The following CLVS1 variants were observed in gnomAD, a reference collection of about 807,000 sequenced individuals.
CLVS1 encodes clavesin-1.
In CLVS1, 10 loss-of-function variants were observed where a neutral mutation model predicts 33.1. The observed-to-expected ratio is 0.30, with a 90% CI of 0.19 to 0.51. CLVS1 has a LOEUF of 0.51. Ranked by LOEUF, CLVS1 falls within the 20% of genes least tolerant of loss-of-function variation. The probability of loss-of-function intolerance (pLI) is 0.97; values close to 1 mark genes in which losing one functional copy is unlikely to be tolerated. For synonymous variants in CLVS1, 163 were observed against 166.1 expected, an observed-to-expected ratio of 0.98 and a Z score of 0.14; for missense variants, 343 against 433.4, an observed-to-expected ratio of 0.79 and a Z score of 1.85.
chr8:61,484,016 C>G (rs974043459), intron 5 of CLVS1, among the ~76,000 whole-genome samples: 3 of 152,192 alleles, frequency 2.0e-5, no homozygotes, highest in Non-Finnish European at 4.4e-5. Flanking sequence ...GGAAGCATTC[C>G]CTTTGAAAAC....
At chr8:61,457,298 A>C (rs536039034) in intron 4 of CLVS1, among the ~76,000 whole-genome samples, 1 of 152,232 alleles carries the variant, frequency 6.6e-6, no homozygotes, top group African/African-American at 2.4e-5. Flanking sequence ...TGTATACCTG[A>C]TGATCCTATA....
At chr8:61,389,033 C>A (rs367869273) in intron 3 of CLVS1, among the ~76,000 whole-genome samples, 13 of 152,188 alleles carry the variant, frequency 8.5e-5, no homozygotes, top group Non-Finnish European at 1.5e-4. Flanking sequence ...TGAGAACATG[C>A]GGTGTTTTAT....
intron 2 of CLVS1, among the ~76,000 whole-genome samples, chr8:61,228,333 T>C (rs1362071932): frequency 6.6e-6 from 1 of 152,206 alleles, no homozygotes; most frequent in Non-Finnish European, 1.5e-5. Context: ...ACACTTAAAA[T>C]CTGCTCTCTT....
At chr8:61,104,834 T>G (rs1324883707) in intron 1 of CLVS1, among the ~76,000 whole-genome samples, 1 of 152,148 alleles carries the variant, frequency 6.6e-6, no homozygotes, top group Non-Finnish European at 1.5e-5. Flanking sequence ...TTTACTTTAT[T>G]TTTTTATTTA....
chr8:61,300,503 T>A (rs1810387666), intron 2 of CLVS1: 1 of 452,410 alleles, frequency 2.2e-6, no homozygotes, highest in Admixed American at 3.9e-5. Flanking sequence ...TAGAAGTCAT[T>A]ATTCTTTTCA....
At chr8:61,337,199 G>A (rs901465464) in intron 2 of CLVS1, among the ~76,000 whole-genome samples, 34 of 152,268 alleles carry the variant, frequency 2.2e-4, no homozygotes, top group African/African-American at 7.9e-4. Flanking sequence ...TTTAAGGGCA[G>A]GTTCGGCCCT....
intron 1 of CLVS1, among the ~76,000 whole-genome samples, chr8:61,118,815 G>A (rs1459419652): frequency 2.0e-5 from 3 of 152,212 alleles, no homozygotes; most frequent in Non-Finnish European, 2.9e-5. Flanking sequence ...TTTGGAAGAG[G>A]TGTGGTGTGG....
chr8:61,179,015 A>G (rs1414331453), intron 2 of CLVS1, among the ~76,000 whole-genome samples: 1 of 152,224 alleles, frequency 6.6e-6, no homozygotes, highest in African/African-American at 2.4e-5. Flanking sequence ...TTAAATGTAA[A>G]TAGGCTAAAT....
At chr8:61,489,774 G>A (rs1230789632) in intron 5 of CLVS1, among the ~76,000 whole-genome samples, 3 of 152,126 alleles carry the variant, frequency 2.0e-5, no homozygotes, top group South Asian at 2.1e-4. Flanking sequence ...GACTGATTTC[G>A]ATATGTCAAA....
At chr8:61,376,324 T>C (rs1001286628) in intron 2 of CLVS1, among the ~76,000 whole-genome samples, 1 of 152,146 alleles carries the variant, frequency 6.6e-6, no homozygotes. Flanking sequence ...ATTGGGGCTG[T>C]GGAGGAAGCA....
At chr8:61,322,113 C>A (rs989526047) in intron 2 of CLVS1, among the ~76,000 whole-genome samples, 2 of 152,116 alleles carry the variant, frequency 1.3e-5, no homozygotes, top group Admixed American at 1.3e-4. Context: ...CTGATATAAC[C>A]AAGTACCCTA....
intron 1 of CLVS1, among the ~76,000 whole-genome samples, chr8:61,067,979 AC>A (rs1251693777): frequency 7.4e-6 from 1 of 134,722 alleles, no homozygotes; most frequent in East Asian, 2.4e-4. Context: ...CTAAAACGAA[AC>A]TTGATATTGA....
chr8:61,147,935 A>G (rs1348938728), intron 2 of CLVS1, among the ~76,000 whole-genome samples: 1 of 152,260 alleles, frequency 6.6e-6, no homozygotes, highest in Non-Finnish European at 1.5e-5. Context: ...TAGTAAAGAC[A>G]GAATTTTCAA....
chr8:61,158,382 C>T (rs747213231), intron 2 of CLVS1, among the ~76,000 whole-genome samples: 7 of 152,050 alleles, frequency 4.6e-5, no homozygotes, highest in Non-Finnish European at 8.8e-5. Context: ...TTGATGTGTA[C>T]GTGTTAAGAC....
intron 1 of CLVS1, among the ~76,000 whole-genome samples, chr8:61,298,727 T>C (rs996354369): frequency 6.6e-6 from 1 of 152,218 alleles, no homozygotes; most frequent in Non-Finnish European, 1.5e-5. Flanking sequence ...ACCAAACAGA[T>C]GTCTGCAAGA....
intron 5 of CLVS1, among the ~76,000 whole-genome samples, chr8:61,484,386 G>T (rs1458363025): frequency 1.3e-5 from 2 of 152,202 alleles, no homozygotes; most frequent in African/African-American, 4.8e-5. Flanking sequence ...CAACTTACAA[G>T]GGATGTGAAG....
At chr8:60,973,206 G>A in the CLVS1 span, among the ~76,000 whole-genome samples, 6 of 152,152 alleles carry the variant, frequency 3.9e-5, no homozygotes, top group Admixed American at 6.6e-5. Flanking sequence ...GTCACACTGC[G>A]CAAGTTAAAG....
chr8:61,035,140 G>C, the CLVS1 span, among the ~76,000 whole-genome samples: 1 of 151,206 alleles, frequency 6.6e-6, no homozygotes, highest in South Asian at 2.1e-4. Flanking sequence ...TAAAACTTGA[G>C]ATTGCTGCTC....
chr8:61,138,913 C>T (rs957295442), intron 2 of CLVS1, among the ~76,000 whole-genome samples: 1 of 152,290 alleles, frequency 6.6e-6, no homozygotes, highest in South Asian at 2.1e-4. Flanking sequence ...TACAATATCT[C>T]TGCCTCACAC....
Sources: allele counts gnomAD v4.1 joint callset (sites outside exome capture counted in the v4.1 genomes callset), GRCh38; gene constraint gnomAD v4.1.1; transcripts MANE v1.5; gene names NCBI Gene and HGNC (gene_info 2026-07-23, HGNC 2026-07-21).